ARHGAP20: variants seen among roughly 807,000 people sequenced by gnomAD.
ARHGAP20 encodes the protein rho GTPase-activating protein 20.
A neutral mutation model predicts 73.7 loss-of-function variants in ARHGAP20; 34 were observed. That is an observed-to-expected ratio of 0.46 (90% CI 0.35 to 0.61). The LOEUF (loss-of-function observed/expected upper bound fraction) is 0.61. Among genes scored for constraint, ARHGAP20 ranks in the 20% least tolerant of loss-of-function variants. The pLI, the probability that ARHGAP20 is intolerant of heterozygous loss-of-function variation, is 0.00. For missense variants in ARHGAP20, 1,314 were observed against 1,420.9 expected (o/e 0.92, Z 1.21); for synonymous variants, 523 against 518.2 (o/e 1.01, Z -0.13).
intron 2 of ARHGAP20, among the ~76,000 whole-genome samples, chr11:110,672,200 A>C (rs939303552): frequency 6.6e-6 from 1 of 152,170 alleles, no homozygotes; most frequent in South Asian, 2.1e-4. Context: ...TGCATCTCTA[A>C]AAGTACTGTT....
At chr11:110,589,137 G>A (rs566407420) in intron 11 of ARHGAP20, among the ~76,000 whole-genome samples, 1 of 152,116 alleles carries the variant, frequency 6.6e-6, no homozygotes, top group East Asian at 1.9e-4. Context: ...TATAAAAAAG[G>A]AAAATTTATC....
chr11:110,665,804 T>C (rs1191995405), intron 2 of ARHGAP20, among the ~76,000 whole-genome samples: 2 of 152,140 alleles, frequency 1.3e-5, no homozygotes, highest in East Asian at 1.9e-4. Context: ...GACAATACTC[T>C]AAAACTCATA....
chr11:110,636,256 T>C (rs1286319218), intron 2 of ARHGAP20, among the ~76,000 whole-genome samples: 8 of 152,102 alleles, frequency 5.3e-5, no homozygotes, highest in Admixed American at 4.6e-4. Flanking sequence ...GGCTGTGTTC[T>C]AAGAAAACTT....
chr11:110,701,973 T>C (rs529286852), intron 1 of ARHGAP20, among the ~76,000 whole-genome samples: 1 of 152,290 alleles, frequency 6.6e-6, no homozygotes, highest in African/African-American at 2.4e-5. Flanking sequence ...CCATGCTGTT[T>C]TGGTAACTGT....
intron 1 of ARHGAP20, among the ~76,000 whole-genome samples, chr11:110,696,226 A>G (rs1013131714): frequency 1.1e-4 from 17 of 151,564 alleles, no homozygotes; most frequent in African/African-American, 4.1e-4. Context: ...TAATGAAAAT[A>G]TTCTAAAATT....
intron 2 of ARHGAP20, among the ~76,000 whole-genome samples, chr11:110,690,025 T>C (rs938937003): frequency 1.3e-5 from 2 of 152,074 alleles, no homozygotes; most frequent in Non-Finnish European, 2.9e-5. Flanking sequence ...ATTGGTGAAA[T>C]GACTCTGTTA....
intron 11 of ARHGAP20, among the ~76,000 whole-genome samples, chr11:110,586,561 A>T (rs1947672240): frequency 6.6e-6 from 1 of 152,154 alleles, no homozygotes; most frequent in African/African-American, 2.4e-5. Context: ...AAAATAAAGG[A>T]CAACTCATTT....
chr11:110,598,929 G>A (rs549930661), intron 9 of ARHGAP20, among the ~76,000 whole-genome samples: 1 of 152,160 alleles, frequency 6.6e-6, no homozygotes, highest in East Asian at 1.9e-4. Context: ...TCTGAGTTGT[G>A]GTTGCAGGCC....
At chr11:110,584,135 G>A (rs1325285800) in intron 12 of ARHGAP20, among the ~76,000 whole-genome samples, 1 of 152,118 alleles carries the variant, frequency 6.6e-6, no homozygotes, top group Non-Finnish European at 1.5e-5. Flanking sequence ...TTTATAAAAT[G>A]CTCATTTAAG....
intron 2 of ARHGAP20, among the ~76,000 whole-genome samples, chr11:110,686,510 G>A (rs1389946527): frequency 6.6e-6 from 1 of 152,000 alleles, no homozygotes; most frequent in African/African-American, 2.4e-5. Flanking sequence ...TAACAAATAT[G>A]TATTACTTTT....
At chr11:110,635,760 A>G (rs1227598970) in intron 2 of ARHGAP20, among the ~76,000 whole-genome samples, 2 of 152,074 alleles carry the variant, frequency 1.3e-5, no homozygotes, top group African/African-American at 2.4e-5. Context: ...TAAGCAGAGA[A>G]CAAAGAAAAG....
intron 6 of ARHGAP20, among the ~76,000 whole-genome samples, chr11:110,611,697 G>C (rs1948370093): frequency 6.6e-6 from 1 of 152,108 alleles, no homozygotes; most frequent in Non-Finnish European, 1.5e-5. Context: ...TAAAAAAATA[G>C]ATCAGTGAGG....
At chr11:110,682,863 G>T (rs182662682) in intron 2 of ARHGAP20, among the ~76,000 whole-genome samples, 1 of 152,216 alleles carries the variant, frequency 6.6e-6, no homozygotes, top group East Asian at 1.9e-4. Context: ...GAGACTCAGA[G>T]ATAAAGTAAT....
chr11:110,711,934 C>CG, intron 1 of ARHGAP20, 193 bp downstream of exon 1: 1 of 1,252,362 alleles, frequency 8.0e-7, no homozygotes, highest in Non-Finnish European at 1.0e-6. Flanking sequence ...GGGCGCTCTG[C>CG]GGGAGGCGGC....
At chr11:110,663,747 C>A (rs1949664593) in intron 2 of ARHGAP20, among the ~76,000 whole-genome samples, 1 of 152,084 alleles carries the variant, frequency 6.6e-6, no homozygotes, top group South Asian at 2.1e-4. Context: ...CCAATCCAAT[C>A]AAAAGGCCAG....
chr11:110,581,297 ATT>A, intron 14 of ARHGAP20, 72 bp from the exon 15 acceptor site: 1 of 1,429,958 alleles, frequency 7.0e-7, no homozygotes, highest in Non-Finnish European at 9.3e-7. Flanking sequence ...TTAAGAACAA[ATT>A]CTCTTTTCAT....
chr11:110,702,059 G>A (rs551898784), intron 1 of ARHGAP20, among the ~76,000 whole-genome samples: 27 of 152,040 alleles, frequency 1.8e-4, no homozygotes, highest in African/African-American at 6.0e-4. Context: ...TTGACTTGGC[G>A]ATGCGGGCTC....
rs1947370214 is a variant in ARHGAP20 at position 110,579,338 on chromosome 11, C to T, written c.*32G>A. 1.9e-6 allele frequency: 3 copies of T among 1,542,852 alleles called. No homozygotes were observed. The African/African-American group carries it at 4.1e-5, about 21-fold the overall frequency. On this transcript the variant is annotated 3_prime_UTR_variant, in exon 15 of 15. Coordinates refer to ENST00000683387, the MANE Select transcript of ARHGAP20 (RefSeq NM_001384657.1). ...TTGTCTATTATTATTAACCCAGTTCCTGTTCTTGTGGACATCAGATTCTTA... is the reference window on the plus strand; with the variant it reads ...TTGTCTATTATTATTAACCCAGTTCTTGTTCTTGTGGACATCAGATTCTTA...
intron 9 of ARHGAP20, among the ~76,000 whole-genome samples, chr11:110,605,196 A>C (rs1434373054): frequency 6.6e-6 from 1 of 152,176 alleles, no homozygotes; most frequent in African/African-American, 2.4e-5. Flanking sequence ...CACGGGGACT[A>C]ACAGATGGAG....
Sources: gnomAD v4.1 joint callset for allele counts (sites outside exome capture counted in the v4.1 genomes callset) on GRCh38, gnomAD v4.1.1 for gene constraint, MANE v1.5 for transcripts, NCBI Gene and HGNC (gene_info 2026-07-23, HGNC 2026-07-21) for gene names.